The following RORA variants were observed in gnomAD, a reference collection of about 807,000 sequenced individuals.
The protein encoded by RORA is nuclear receptor ROR-alpha.
RORA carries 7 observed loss-of-function variants against 69.5 expected under a neutral mutation model. The ratio of observed to expected loss-of-function variants is 0.10; its 90% CI spans 0.06 to 0.19. The LOEUF (loss-of-function observed/expected upper bound fraction) is 0.19. RORA is among the 10% of genes least tolerant of loss of function. RORA has a pLI of 1.00. For synonymous variants in RORA, 261 were observed against 240.8 expected, an observed-to-expected ratio of 1.08 and a Z score of -0.78; for missense variants, 457 against 663.0, an observed-to-expected ratio of 0.69 and a Z score of 3.41.
At chr15:60,501,839 T>C (rs889593530) in intron 8 of RORA, among the ~76,000 whole-genome samples, 1 of 152,242 alleles carries the variant, frequency 6.6e-6, no homozygotes, top group African/African-American at 2.4e-5. Context: ...TAAATGTATA[T>C]ATTTAAATGA....
intron 1 of RORA, among the ~76,000 whole-genome samples, chr15:61,039,943 A>G (rs1324779608): frequency 1.3e-4 from 19 of 151,078 alleles, no homozygotes; most frequent in African/African-American, 4.4e-4. Flanking sequence ...TTCTTTGCCA[A>G]TCAGTGTTAG....
chr15:61,035,535 T>C (rs1393714986), intron 1 of RORA, among the ~76,000 whole-genome samples: 1 of 152,142 alleles, frequency 6.6e-6, no homozygotes, highest in Non-Finnish European at 1.5e-5. Context: ...ATGGGAGCAC[T>C]CCTGGACTGC....
At chr15:61,093,138 G>A (rs2078733066) in intron 1 of RORA, among the ~76,000 whole-genome samples, 2 of 152,110 alleles carry the variant, frequency 1.3e-5, no homozygotes, top group Admixed American at 1.3e-4. Context: ...TATCTCATGT[G>A]ACTGCAGTCA....
In RORA at chr15:60,497,265, G is replaced by A; in HGVS notation, c.*190C>T. ...TAGGCATAATGGAAATCATATGCATGAGAAAAACAAGTTCAACTTTTATTT... is the reference window on the plus strand; with the variant it reads ...TAGGCATAATGGAAATCATATGCATAAGAAAAACAAGTTCAACTTTTATTT... On this transcript the variant is annotated 3_prime_UTR_variant, in exon 11 of 11. Coordinates refer to ENST00000335670, the MANE Select transcript of RORA (RefSeq NM_134261.3). 1 of 550,216 alleles carries A rather than the reference G, an allele frequency of 1.8e-6. No homozygotes were observed. Among genetic ancestry groups the A allele is most frequent in the Non-Finnish European group, 3.2e-6 (1 of 312,778 alleles). 34.1% of individuals were successfully genotyped at this position (550,216 alleles called of 1,614,324 possible). A position where few individuals can be genotyped will look rare whatever the true frequency, so the allele number is the denominator to read the frequency against.
rs996893230 is a variant in RORA, at chr15:60,727,852, G to A, written c.167-49166C>T. 7.9e-5 allele frequency among the ~76,000 whole-genome samples: 12 copies of A among 152,218 alleles called. No homozygotes were observed. The East Asian group carries it at 1.2e-3, about 15-fold the overall frequency. On this transcript the variant is annotated intron_variant, in intron 1 of 10. Coordinates refer to ENST00000335670, the MANE Select transcript of RORA (RefSeq NM_134261.3). ...AAGTGAAACTCTAGGAGAGGTTCAC[G>A]GGCACTCACTCCTGACATTCACAGC...
rs769415848 is a variant in RORA, at chr15:60,967,853, C to T, written c.166+261200G>A. ...CACCTTTTAGTAAAAGGCTTCAGTA[C>T]TGGTTCCAGAAAGGCGGGGGTGCTT... On this transcript the variant is annotated intron_variant, in intron 1 of 10. Coordinates refer to ENST00000335670, the MANE Select transcript of RORA (RefSeq NM_134261.3). Among the ~76,000 whole-genome samples the T allele has an allele frequency of 5.3e-5, 8 of 152,274 alleles. No individual in the cohort carries two copies. The East Asian group carries it at 1.4e-3, about 26-fold the overall frequency.
chr15:60,605,841 G>A (rs1208637081), intron 2 of RORA, among the ~76,000 whole-genome samples: 1 of 152,096 alleles, frequency 6.6e-6, no homozygotes, highest in Non-Finnish European at 1.5e-5. Context: ...ATCGTCATTA[G>A]GAACCTGACA....
At chr15:61,204,944 C>T (rs927856758) in intron 1 of RORA, among the ~76,000 whole-genome samples, 1 of 152,234 alleles carries the variant, frequency 6.6e-6, no homozygotes, top group Admixed American at 6.5e-5. Flanking sequence ...TCCAGCCGAA[C>T]ATTCTGTTCA....
At chr15:60,970,892 A>G (rs1893693884) in intron 1 of RORA, among the ~76,000 whole-genome samples, 1 of 152,190 alleles carries the variant, frequency 6.6e-6, no homozygotes, top group South Asian at 2.1e-4. Context: ...GGGCCTTCCT[A>G]TGCTCCAGTG....
chr15:60,651,332 C>T (rs1596098079), intron 2 of RORA, among the ~76,000 whole-genome samples: 1 of 152,144 alleles, frequency 6.6e-6, no homozygotes, highest in African/African-American at 2.4e-5. Flanking sequence ...CATATAAATA[C>T]CACACGTTGC....
chr15:60,675,839 C>A (rs998408448), intron 2 of RORA, among the ~76,000 whole-genome samples: 1 of 152,144 alleles, frequency 6.6e-6, no homozygotes, highest in Non-Finnish European at 1.5e-5. Context: ...ACACTCTGGT[C>A]TGATAATATA....
At chr15:60,614,946 G>A in intron 2 of RORA, 1 of 1,614,016 alleles carries the variant, frequency 6.2e-7, no homozygotes, top group Non-Finnish European at 8.5e-7. Flanking sequence ...AATTAATAAA[G>A]TTCTTGGCTG....
At chr15:60,875,810 T>C (rs1248104172) in intron 1 of RORA, among the ~76,000 whole-genome samples, 2 of 152,176 alleles carry the variant, frequency 1.3e-5, no homozygotes, top group Admixed American at 6.5e-5. Flanking sequence ...TAGATATGAA[T>C]GAAGCCAGGC....
chr15:60,924,186 G>A (rs1275360523), intron 1 of RORA, among the ~76,000 whole-genome samples: 1 of 151,896 alleles, frequency 6.6e-6, no homozygotes, highest in East Asian at 1.9e-4. Context: ...TCTCCTGAAG[G>A]TGTTAGCTGA....
chr15:60,526,039 A>G (rs2066342998), intron 3 of RORA, among the ~76,000 whole-genome samples: 1 of 152,192 alleles, frequency 6.6e-6, no homozygotes, highest in African/African-American at 2.4e-5. Context: ...GGGGTCAGAA[A>G]TAAGAGTCCT....
chr15:60,619,311 T>C (rs1596066640), intron 2 of RORA, among the ~76,000 whole-genome samples: 2 of 152,182 alleles, frequency 1.3e-5, no homozygotes, highest in Non-Finnish European at 2.9e-5. Context: ...CCTCCTATTA[T>C]TGAGGATTGA....
chr15:60,768,798 G>A (rs964712175), intron 1 of RORA, among the ~76,000 whole-genome samples: 32 of 152,208 alleles, frequency 2.1e-4, no homozygotes, highest in Admixed American at 1.1e-3. Flanking sequence ...AGAAAGGACT[G>A]ACCAGGTGGG....
intron 1 of RORA, among the ~76,000 whole-genome samples, chr15:61,217,019 G>A (rs535477896): frequency 2.0e-5 from 3 of 152,278 alleles, no homozygotes; most frequent in African/African-American, 7.2e-5. Flanking sequence ...AGAGGCAGAA[G>A]TCACACAAAC....
intron 2 of RORA, chr15:60,544,738 G>C (rs1293453449): frequency 6.6e-6 from 1 of 151,902 alleles, no homozygotes; most frequent in African/African-American, 2.4e-5. Flanking sequence ...TAAATCAATA[G>C]AGGCAAAGCC....
Sources: allele counts gnomAD v4.1 joint callset (sites outside exome capture counted in the v4.1 genomes callset), GRCh38; gene constraint gnomAD v4.1.1; transcripts MANE v1.5; gene names NCBI Gene and HGNC (gene_info 2026-07-23, HGNC 2026-07-21).